METTL23: variants seen among roughly 807,000 people sequenced by gnomAD.
METTL23 encodes the protein histone-arginine methyltransferase METTL23.
In METTL23, 24 loss-of-function variants were observed where a neutral mutation model predicts 21.2. The ratio of observed to expected loss-of-function variants is 1.13; its 90% CI spans 0.82 to 1.59. The LOEUF (loss-of-function observed/expected upper bound fraction) is 1.59. METTL23 is among the 40% of genes most tolerant of loss of function. The probability of loss-of-function intolerance (pLI) is 0.00; values close to 1 mark genes in which losing one functional copy is unlikely to be tolerated. For synonymous variants in METTL23, 97 were observed against 75.2 expected, an observed-to-expected ratio of 1.29 and a Z score of -1.50; for missense variants, 276 against 221.4, an observed-to-expected ratio of 1.25 and a Z score of -1.57.
At position 76,733,055 on chromosome 17, in the gene METTL23, A is replaced by ACTGC. The variant is rs2077296551; in HGVS notation, c.165_168dup (p.His57AlafsTer15). On this transcript the variant is annotated frameshift_variant, in exon 3 of 5. Coordinates refer to ENST00000341249, the MANE Select transcript of METTL23 (RefSeq NM_001080510.5). LOFTEE classifies it high-confidence loss of function. ...AAGTAATACTGTCAGACAGCTCAGA[A>ACTGC]CTGCCTCACTGTCTGGAAGTCTGTC... 1 of 1,605,582 alleles carries ACTGC rather than the reference A, an allele frequency of 6.2e-7. No individual in the cohort carries two copies. The highest frequency in any genetic ancestry group is 1.3e-5 in the African/African-American group (1 of 74,832).
At chr17:76,729,565 C>T (rs1026883370) in intron 1 of METTL23, 125 bp from the exon 2 acceptor site, 7 of 643,176 alleles carry the variant, frequency 1.1e-5, no homozygotes, top group African/African-American at 7.3e-5. Context: ...CCCCAAAGGT[C>T]GTGGATTGGT....
intron 1 of METTL23, among the ~76,000 whole-genome samples, chr17:76,729,324 G>C (rs927093806): frequency 2.0e-5 from 3 of 150,272 alleles, no homozygotes; most frequent in African/African-American, 7.4e-5. Flanking sequence ...CAGGTGATCC[G>C]CCCGCCTCAT....
In METTL23 at chr17:76,733,615, G is replaced by A. The variant is rs374075458; in HGVS notation, c.502G>A (p.Ala168Thr). 9.3e-6 allele frequency: 15 copies of A among 1,613,848 alleles called. No homozygotes were observed. The highest frequency in any genetic ancestry group is 1.2e-5 in the Non-Finnish European group (14 of 1,179,848). Reference sequence around the variant, plus strand: ...TTTTGATGCAGACAAAGAAGATATAGCAGAATCTACCCTTCCAGGAAGACA... The same window carrying A: ...TTTTGATGCAGACAAAGAAGATATAACAGAATCTACCCTTCCAGGAAGACA... Reference protein sequence around the residue: ...ESFDADKEDIAESTLPGRHTV... With the variant: ...ESFDADKEDITESTLPGRHTV... The change falls in exon 5 of 5, where the codon GCA (alanine) becomes ACA (threonine). Residue 168 changes from alanine to threonine, a missense_variant. Physicochemically the swap from Ala to Thr is moderately conservative, Grantham distance 58. Coordinates refer to ENST00000341249, the MANE Select transcript of METTL23 (RefSeq NM_001080510.5).
chr17:76,733,297 T>G lies in METTL23; in HGVS notation c.327T>G (p.Phe109Leu). Residue 109 changes from phenylalanine to leucine, a missense_variant, in exon 4 of 5, where the codon TTT becomes TTG. Phe to Leu is a conservative substitution (Grantham distance 22, BLOSUM62 0). Transcript: ENST00000341249. ...TCATAAATCCTTTCTCCTCAGATTT[T>G]GAAGACATTTTGGCTACAATATATT... Reference protein sequence around the residue: ...ASDVFFEPEDFEDILATIYFL... With the variant: ...ASDVFFEPEDLEDILATIYFL... 1 of 1,613,998 alleles carries G rather than the reference T, an allele frequency of 6.2e-7. No individual in the cohort carries two copies. Among genetic ancestry groups the G allele is most frequent in the Non-Finnish European group, 8.5e-7 (1 of 1,179,860 alleles).
At chr17:76,726,668 G>A (rs2076947502), upstream of METTL23, 4 of 737,648 alleles carry the variant, frequency 5.4e-6, no homozygotes, top group Admixed American at 3.2e-5. Flanking sequence ...TGGGCAAGCG[G>A]CCGCCGTCTT....
At position 76,733,845 on chromosome 17, in the gene METTL23, CAT is replaced by C; in HGVS notation, c.*162_*163del. 2 of 515,778 alleles carry C rather than the reference CAT, an allele frequency of 3.9e-6. No individual in the cohort carries two copies. Among genetic ancestry groups the C allele is most frequent in the Non-Finnish European group, 6.6e-6 (2 of 302,712 alleles). 32.0% of individuals were successfully genotyped at this position (515,778 alleles called of 1,614,324 possible). A position where few individuals can be genotyped will look rare whatever the true frequency, so the allele number is the denominator to read the frequency against. Reference sequence around the variant, plus strand: ...ATGTCACCTAGACAACACTTAAACTCATATGAAACAAAAATTAAAATACGTAT... The same window carrying C: ...ATGTCACCTAGACAACACTTAAACTCATGAAACAAAAATTAAAATACGTAT... On this transcript the variant is annotated 3_prime_UTR_variant, in exon 5 of 5. Transcript: ENST00000341249.
chr17:76,726,635 C>T, upstream of METTL23: 1 of 986,668 alleles, frequency 1.0e-6, no homozygotes, highest in Non-Finnish European at 1.4e-6. Context: ...ATTCACTCCC[C>T]AGCCACCTCC....
At chr17:76,733,398 C>T in intron 4 of METTL23, 21 bp downstream of exon 4, 1 of 1,610,904 alleles carries the variant, frequency 6.2e-7, no homozygotes, top group Non-Finnish European at 8.5e-7. Context: ...ATGACCCTTA[C>T]TTTTTATATG....
chr17:76,733,624 A>G lies in METTL23; in HGVS notation c.511A>G (p.Thr171Ala), dbSNP rs2077343681. The change falls in exon 5 of 5, where the codon ACC (threonine) becomes GCC (alanine). Residue 171 changes from threonine to alanine, a missense_variant. Physicochemically the swap from Thr to Ala is moderately conservative, Grantham distance 58. Coordinates refer to ENST00000341249, the MANE Select transcript of METTL23 (RefSeq NM_001080510.5). The part of the protein sequence containing the change: ...DADKEDIAES[T>A]LPGRHTVEML... ...AGACAAAGAAGATATAGCAGAATCT[A>G]CCCTTCCAGGAAGACATACAGTTGA... 1.2e-6 allele frequency: 2 copies of G among 1,613,898 alleles called. No individual in the cohort carries two copies. Among genetic ancestry groups the G allele is most frequent in the Non-Finnish European group, 1.7e-6 (2 of 1,179,864 alleles).
chr17:76,728,481 G>C (rs2077057891), intron 1 of METTL23, among the ~76,000 whole-genome samples: 1 of 147,130 alleles, frequency 6.8e-6, no homozygotes, highest in South Asian at 2.1e-4. Context: ...CACAATCTCA[G>C]CTCACTGCAA....
intron 1 of METTL23, among the ~76,000 whole-genome samples, chr17:76,727,577 C>G (rs2099017582): frequency 6.6e-6 from 1 of 152,192 alleles, no homozygotes; most frequent in Non-Finnish European, 1.5e-5. Context: ...TTGATCTTGT[C>G]CAAGGGTTTC....
intron 1 of METTL23, among the ~76,000 whole-genome samples, chr17:76,728,416 T>TTTTTTTTTTTTTTTTTTTTTTTTTG (rs1568008567): frequency 1.9e-3 from 10 of 5,212 alleles, no homozygotes; most frequent in African/African-American, 3.5e-3. Flanking sequence ...TCACGGATTT[T>TTTTTTTTTTTTTTTTTTTTTTTTTG]TTTTTTTTTT....
chr17:76,729,176 C>T (rs1409194218), intron 1 of METTL23, among the ~76,000 whole-genome samples: 5 of 151,450 alleles, frequency 3.3e-5, no homozygotes, highest in South Asian at 4.2e-4. Context: ...CTGCAACCTC[C>T]GCCTCCCGTG....
At chr17:76,728,558 C>G (rs942348715) in intron 1 of METTL23, among the ~76,000 whole-genome samples, 4 of 152,032 alleles carry the variant, frequency 2.6e-5, no homozygotes, top group Non-Finnish European at 5.9e-5. Context: ...TTATAGGCGC[C>G]CACCACCATG....
At chr17:76,729,381 C>T (rs2077102003) in intron 1 of METTL23, among the ~76,000 whole-genome samples, 13 of 152,094 alleles carry the variant, frequency 8.5e-5, no homozygotes, top group Admixed American at 8.5e-4. Context: ...GTGCCCGGCC[C>T]CTGACTAGAA....
intron 2 of METTL23, chr17:76,732,757 T>C (rs2077274241): frequency 3.4e-6 from 2 of 580,294 alleles, no homozygotes; most frequent in Non-Finnish European, 6.1e-6. Flanking sequence ...AATATTGAAA[T>C]TGAAGGTTAA....
chr17:76,726,349 C>T, upstream of METTL23: 4 of 1,581,958 alleles, frequency 2.5e-6, no homozygotes, highest in Middle Eastern at 1.7e-4. Context: ...CCGCTCACCG[C>T]CACGGCCGCC....
upstream of METTL23, chr17:76,726,309 C>G: frequency 1.3e-6 from 2 of 1,530,502 alleles, no homozygotes; most frequent in Non-Finnish European, 1.7e-6. Flanking sequence ...CTGGAGGTGC[C>G]GATGCCCGGC....
upstream of METTL23, chr17:76,726,468 T>C (rs770912586): frequency 6.2e-7 from 1 of 1,600,120 alleles, no homozygotes; most frequent in Non-Finnish European, 8.5e-7. Flanking sequence ...CTTGCTCTTG[T>C]GGTTCATTCT....
Sources: gnomAD v4.1 joint callset for allele counts (sites outside exome capture counted in the v4.1 genomes callset) on GRCh38, gnomAD v4.1.1 for gene constraint, MANE v1.5 for transcripts, NCBI Gene and HGNC (gene_info 2026-07-23, HGNC 2026-07-21) for gene names.